Variants in STAB2 observed in about 807,000 individuals in gnomAD.
STAB2 encodes the protein stabilin-2.
STAB2 carries 288 observed loss-of-function variants against 338.1 expected under a neutral mutation model. That is an observed-to-expected ratio of 0.85 (90% CI 0.77 to 0.94). STAB2 has a LOEUF of 0.94. Ranked by LOEUF, STAB2 falls within the 40% of genes least tolerant of loss-of-function variation. STAB2 has a pLI of 0.00. For synonymous variants in STAB2, 1,202 were observed against 1,193.3 expected (o/e 1.01, Z -0.15); for missense variants, 3,141 against 3,210.1 (o/e 0.98, Z 0.52).
chr12:103,694,024 G>C (rs1304968068), intron 31 of STAB2, among the ~76,000 whole-genome samples: 6 of 151,696 alleles, frequency 4.0e-5, no homozygotes, highest in Admixed American at 3.9e-4. Flanking sequence ...GCTGTTAATT[G>C]ATTCAGTTAT....
At chr12:103,737,442 G>A (rs997030112) in intron 52 of STAB2, among the ~76,000 whole-genome samples, 192 bp from the exon 53 acceptor site, 2 of 152,084 alleles carry the variant, frequency 1.3e-5, no homozygotes, top group African/African-American at 2.4e-5. Flanking sequence ...ACAGTATCTG[G>A]CACATAATAC....
chr12:103,672,020 G>A (rs1199999876), intron 22 of STAB2, among the ~76,000 whole-genome samples: 1 of 152,152 alleles, frequency 6.6e-6, no homozygotes, highest in African/African-American at 2.4e-5. Flanking sequence ...GATAATAGTG[G>A]TACCTACATT....
At chr12:103,725,920 G>A (rs1260576733) in intron 45 of STAB2, among the ~76,000 whole-genome samples, 196 bp from the exon 46 acceptor site, 1 of 152,124 alleles carries the variant, frequency 6.6e-6, no homozygotes, top group Non-Finnish European at 1.5e-5. Context: ...GGCGATTCCA[G>A]AAAGGTTATA....
At position 103,598,518 on chromosome 12, in the gene STAB2, C is replaced by A. The variant is rs180803638; in HGVS notation, c.331+4008C>A. Among the ~76,000 whole-genome samples the A allele has an allele frequency of 2.0e-3, 305 of 152,200 alleles. 2 individuals are homozygous for A. The highest frequency in any genetic ancestry group is 7.1e-3 in the African/African-American group (293 of 41,532). On this transcript the variant is annotated intron_variant, in intron 3 of 68. Transcript: ENST00000388887. ...ATGCATTGGAAACCTGCCCTTATAG[C>A]AAATTATATAATATGTCTTTCAAGC...
intron 41 of STAB2, among the ~76,000 whole-genome samples, chr12:103,712,691 G>A (rs1014360378): frequency 3.9e-5 from 6 of 152,150 alleles, no homozygotes; most frequent in African/African-American, 1.4e-4. Flanking sequence ...CATAATGATC[G>A]ATGTTTCAGA....
At chr12:103,689,157 T>A (rs1322566382) in intron 28 of STAB2, among the ~76,000 whole-genome samples, 1 of 152,148 alleles carries the variant, frequency 6.6e-6, no homozygotes, top group Non-Finnish European at 1.5e-5. Context: ...TCCTGCAGTC[T>A]CCCCACCATC....
At chr12:103,660,595 A>T in intron 16 of STAB2, 88 bp from the exon 17 acceptor site, 1 of 1,456,776 alleles carries the variant, frequency 6.9e-7, no homozygotes, top group Admixed American at 1.8e-5. Flanking sequence ...TCACTTTGAA[A>T]CCTATTTTTT....
chr12:103,764,879 C>G (rs1884807902), intron 68 of STAB2, among the ~76,000 whole-genome samples: 1 of 151,814 alleles, frequency 6.6e-6, no homozygotes, highest in Admixed American at 6.6e-5. Flanking sequence ...AGGTGGATCA[C>G]CTGAGGTCAA....
chr12:103,726,309 C>A, intron 46 of STAB2, 146 bp downstream of exon 46: 1 of 706,348 alleles, frequency 1.4e-6, no homozygotes, highest in Non-Finnish European at 2.4e-6. Flanking sequence ...GGGAACATGG[C>A]AAAACCCCGT....
intron 3 of STAB2, among the ~76,000 whole-genome samples, chr12:103,603,615 T>A (rs533833266): frequency 6.6e-6 from 1 of 152,332 alleles, no homozygotes; most frequent in African/African-American, 2.4e-5. Context: ...TTGATTACTA[T>A]GGTGTTACAG....
intron 3 of STAB2, among the ~76,000 whole-genome samples, chr12:103,612,006 A>G (rs1055259506): frequency 6.6e-6 from 1 of 152,170 alleles, no homozygotes; most frequent in African/African-American, 2.4e-5. Flanking sequence ...AGAATGTTGA[A>G]TATTGTCCCC....
intron 44 of STAB2, among the ~76,000 whole-genome samples, 190 bp from the exon 45 acceptor site, chr12:103,724,785 G>C (rs575273343): frequency 6.6e-6 from 1 of 152,272 alleles, no homozygotes; most frequent in East Asian, 1.9e-4. Flanking sequence ...TACAAGGCCA[G>C]GTGAATAAGA....
At position 103,737,621 on chromosome 12, in the gene STAB2, TTTTC is replaced by T. The variant is rs751370833; in HGVS notation, c.5551-6_5551-3del. ...CTCTCTTTCTCTTTTTTTTTTTTTT[TTTTC>T]TTTCTTAGGGTGACCTCTTTCTGAA... On this transcript the variant is annotated splice_polypyrimidine_tract_variant and intron_variant, in intron 52 of 68. Transcript: ENST00000388887. 17 of 1,536,094 alleles carry T rather than the reference TTTTC, an allele frequency of 1.1e-5. No individual in the cohort carries two copies. The highest frequency in any genetic ancestry group is 3.8e-5 in the South Asian group (3 of 79,456).
At chr12:103,634,831 C>A (rs1957518077) in intron 6 of STAB2, among the ~76,000 whole-genome samples, 1 of 152,194 alleles carries the variant, frequency 6.6e-6, no homozygotes, top group African/African-American at 2.4e-5. Flanking sequence ...TTCCTGCCAT[C>A]ACAGATGGGA....
chr12:103,746,640 C>T lies in STAB2; in HGVS notation c.6180C>T (p.Thr2060=). The T allele has an allele frequency of 3.1e-6, 5 of 1,614,132 alleles. No individual in the cohort carries two copies. Among genetic ancestry groups the T allele is most frequent in the Non-Finnish European group, 4.2e-6 (5 of 1,179,970 alleles). ...CGCCTCCTTGTTCTGCTCATGCCAC[C>T]TGTAAGGAGAACAACACGTGTGAGT... ...VCTPPCSAHA[T]CKENNTCECN... is the part of the protein sequence containing the mutation. The change falls in exon 58 of 69, where the codon ACC becomes ACT. Residue 2060 remains threonine, a synonymous_variant. Coordinates refer to ENST00000388887, the MANE Select transcript of STAB2 (RefSeq NM_017564.10).
chr12:103,589,736 C>T (rs1956767564), intron 1 of STAB2, among the ~76,000 whole-genome samples: 1 of 152,060 alleles, frequency 6.6e-6, no homozygotes, highest in South Asian at 2.1e-4. Context: ...GTTCAGCAGC[C>T]CAGTGAGAAC....
rs1200134934 is a variant in STAB2, at chr12:103,673,931, G to T, written c.2396G>T (p.Cys799Phe). ...GAATGCCTGTGCGTTCACGGAACAT[G>T]CAATAACAGGATAGACAGCGATGGG... ...NKKCLCVHGT[C>F]NNRIDSDGAC... Residue 799 changes from cysteine to phenylalanine, a missense_variant, in exon 23 of 69, where the codon TGC (cysteine) becomes TTC (phenylalanine). Physicochemically the swap from Cys to Phe is radical, Grantham distance 205. Coordinates refer to ENST00000388887, the MANE Select transcript of STAB2 (RefSeq NM_017564.10). 2 of 1,613,584 alleles carry T rather than the reference G, an allele frequency of 1.2e-6. No homozygotes were observed. The highest frequency in any genetic ancestry group is 2.2e-5 in the East Asian group (1 of 44,846).
rs146195530 is a variant in STAB2 at position 103,654,692 on chromosome 12, C to G, written c.1545C>G (p.Asn515Lys). 1.3e-4 allele frequency: 209 copies of G among 1,613,554 alleles called. No homozygotes were observed. In the Middle Eastern group the frequency reaches 1.3e-3, roughly 10 times the overall value. Residue 515 changes from asparagine to lysine, a missense_variant, in exon 13 of 69, where the codon AAC (asparagine) becomes AAG (lysine). Coordinates refer to ENST00000388887, the MANE Select transcript of STAB2 (RefSeq NM_017564.10). ...MDKLEPTFES[N>K]NEQTIMTMLQ... ...AGTTAGAACCCACATTTGAGAGCAA[C>G]AATGAGGTGAGTATTCAGATAAAAG... is the stretch of plus-strand genomic sequence containing the variant.
At chr12:103,626,360 A>C (rs1436072326) in intron 5 of STAB2, among the ~76,000 whole-genome samples, 3 of 152,208 alleles carry the variant, frequency 2.0e-5, no homozygotes, top group Admixed American at 6.5e-5. Flanking sequence ...AATTAAGAGA[A>C]CAGGCTTTAA....
Sources: allele counts gnomAD v4.1 joint callset (sites outside exome capture counted in the v4.1 genomes callset), GRCh38; gene constraint gnomAD v4.1.1; transcripts MANE v1.5; gene names NCBI Gene and HGNC (gene_info 2026-07-23, HGNC 2026-07-21).